The following PAMR1 variants were observed in gnomAD, a reference collection of about 807,000 sequenced individuals.
PAMR1 encodes the protein inactive serine protease PAMR1.
Under a neutral mutation model 81.8 loss-of-function variants are expected in PAMR1, and 88 were observed. The ratio of observed to expected loss-of-function variants is 1.08; its 90% confidence interval spans 0.91 to 1.28. PAMR1 has a LOEUF of 1.28. Among genes scored for constraint, PAMR1 ranks in the 50% most tolerant of loss-of-function variants. The pLI is 0.00. For missense variants in PAMR1, 935 were observed against 919.7 expected (o/e 1.02, Z -0.21); for synonymous variants, 336 against 345.3 (o/e 0.97, Z 0.30).
chr11:35,439,792 G>T, intron 7 of PAMR1, 99 bp from the exon 8 acceptor site: 1 of 984,382 alleles, frequency 1.0e-6, no homozygotes. Flanking sequence ...CTGGACACCA[G>T]GTGCCCATTC....
At chr11:35,485,772 C>G (rs1409593604) in intron 3 of PAMR1, among the ~76,000 whole-genome samples, 2 of 145,546 alleles carry the variant, frequency 1.4e-5, no homozygotes, top group African/African-American at 5.2e-5. Context: ...ACTCCTCCCT[C>G]CTTCTAAGGC....
chr11:35,479,080 C>G (rs987873613), intron 3 of PAMR1, among the ~76,000 whole-genome samples: 1 of 152,162 alleles, frequency 6.6e-6, no homozygotes, highest in Non-Finnish European at 1.5e-5. Context: ...TAGCCTCAGA[C>G]AAAAGTCTTC....
chr11:35,458,531 C>G (rs1012172940), intron 6 of PAMR1, among the ~76,000 whole-genome samples: 4 of 152,164 alleles, frequency 2.6e-5, no homozygotes, highest in Non-Finnish European at 5.9e-5. Context: ...TTCTGTTTCT[C>G]TGATATGAGC....
intron 6 of PAMR1, among the ~76,000 whole-genome samples, chr11:35,446,014 G>A (rs1856283343): frequency 6.6e-6 from 1 of 152,156 alleles, no homozygotes; most frequent in Non-Finnish European, 1.5e-5. Context: ...TTCAGAACTA[G>A]TTATTGGTCT....
At chr11:35,490,993 C>A (rs2135398918) in intron 3 of PAMR1, among the ~76,000 whole-genome samples, 1 of 152,324 alleles carries the variant, frequency 6.6e-6, no homozygotes, top group South Asian at 2.1e-4. Flanking sequence ...CCAAAGAAGA[C>A]CAGGGTTAAA....
intron 4 of PAMR1, among the ~76,000 whole-genome samples, chr11:35,471,466 A>C (rs1850182201): frequency 6.6e-6 from 1 of 152,224 alleles, no homozygotes; most frequent in Non-Finnish European, 1.5e-5. Context: ...GAATGAAAAA[A>C]AGCTCATATT....
chr11:35,509,630 A>AC (rs1487252334), intron 1 of PAMR1, among the ~76,000 whole-genome samples: 11 of 152,228 alleles, frequency 7.2e-5, no homozygotes, highest in Non-Finnish European at 1.6e-4. Flanking sequence ...AAATTATTTA[A>AC]CCCAACTCCT....
chr11:35,482,658 C>T (rs1850418139), intron 3 of PAMR1, among the ~76,000 whole-genome samples: 1 of 152,160 alleles, frequency 6.6e-6, no homozygotes, highest in South Asian at 2.1e-4. Context: ...TTGATTCTTC[C>T]TATCCATGAG....
intron 1 of PAMR1, among the ~76,000 whole-genome samples, chr11:35,503,230 G>T (rs938226278): frequency 2.0e-5 from 3 of 150,550 alleles, no homozygotes; most frequent in Non-Finnish European, 3.0e-5. Flanking sequence ...AGGCTGGTTT[G>T]GTTACTACAG....
At chr11:35,492,277 AG>A in intron 2 of PAMR1, 104 bp from the exon 3 acceptor site, 1 of 1,272,414 alleles carries the variant, frequency 7.9e-7, no homozygotes, top group South Asian at 1.4e-5. Context: ...GTCTCAACTA[AG>A]AGCATCTGGG....
chr11:35,447,584 T>C (rs1026467964), intron 6 of PAMR1, among the ~76,000 whole-genome samples: 6 of 152,312 alleles, frequency 3.9e-5, no homozygotes, highest in African/African-American at 1.4e-4. Context: ...CAATGGGTCT[T>C]CACTCTTTAT....
chr11:35,444,024 C>T (rs1856239499), intron 6 of PAMR1, among the ~76,000 whole-genome samples: 1 of 152,006 alleles, frequency 6.6e-6, no homozygotes, highest in Non-Finnish European at 1.5e-5. Context: ...GCAAAAAGAC[C>T]CCATATAGCC....
chr11:35,494,047 T>C (rs1400730723), intron 2 of PAMR1, 49 bp downstream of exon 2: 1 of 1,481,712 alleles, frequency 6.7e-7, no homozygotes, highest in Non-Finnish European at 9.4e-7. Context: ...TCCTGTTCAT[T>C]ACCTCCAACA....
At chr11:35,488,653 A>C (rs1189255055) in intron 3 of PAMR1, among the ~76,000 whole-genome samples, 6 of 123,304 alleles carry the variant, frequency 4.9e-5, no homozygotes, top group Non-Finnish European at 8.5e-5. Flanking sequence ...TCCATTTTTC[A>C]CACTTCAAAT....
Position 35,432,068 on chromosome 11 carries a change from C to T in PAMR1, c.*288G>A. On this transcript the variant is annotated 3_prime_UTR_variant, in exon 11 of 11. Coordinates refer to ENST00000619888, the MANE Select transcript of PAMR1 (RefSeq NM_001001991.3). ...CGTATAACTGAAAGTTGGGGAAGAC[C>T]ACCAGGTCAGTGGAGTGGAGAGGTT... is the stretch of plus-strand genomic sequence containing the variant. The T allele has an allele frequency of 5.5e-6, 2 of 363,010 alleles. No homozygotes were observed. Among genetic ancestry groups the T allele is most frequent in the Admixed American group, 8.6e-5 (2 of 23,246 alleles). The allele number at this position is 363,010 out of a possible 1,614,324, so 22.5% of individuals were successfully genotyped here. A position where few individuals can be genotyped will look rare whatever the true frequency, so the allele number is the denominator to read the frequency against.
upstream of PAMR1, among the ~76,000 whole-genome samples, chr11:35,528,500 CA>C: frequency 6.6e-6 from 1 of 152,326 alleles, no homozygotes; most frequent in East Asian, 1.9e-4. Flanking sequence ...AATATGAACC[CA>C]AATTCTAACC....
chr11:35,514,152 A>G (rs1851121604), intron 1 of PAMR1, among the ~76,000 whole-genome samples: 2 of 152,200 alleles, frequency 1.3e-5, no homozygotes, highest in African/African-American at 2.4e-5. Context: ...CAGCCTCGAG[A>G]GGATGGAGGC....
intron 3 of PAMR1, among the ~76,000 whole-genome samples, chr11:35,485,842 C>T (rs1465422639): frequency 6.6e-6 from 1 of 152,186 alleles, no homozygotes; most frequent in East Asian, 1.9e-4. Context: ...CAGAAGGAAG[C>T]GCCTTCAGGA....
chr11:35,484,971 G>A (rs183964868), intron 3 of PAMR1, among the ~76,000 whole-genome samples: 1 of 152,296 alleles, frequency 6.6e-6, no homozygotes, highest in African/African-American at 2.4e-5. Context: ...ACCCTAAGAG[G>A]AAGCCTTGGT....
Sources: gnomAD v4.1 joint callset for allele counts (sites outside exome capture counted in the v4.1 genomes callset) on GRCh38, gnomAD v4.1.1 for gene constraint, MANE v1.5 for transcripts, NCBI Gene and HGNC (gene_info 2026-07-23, HGNC 2026-07-21) for gene names.